CRISPLD1: variants seen among roughly 807,000 people sequenced by gnomAD.
The protein encoded by CRISPLD1 is cysteine rich secretory protein LCCL domain containing 1, also known as cysteine-rich secretory protein LCCL domain-containing 1.
CRISPLD1 carries 60 observed loss-of-function variants against 77.5 expected under a neutral mutation model. That is an observed-to-expected ratio of 0.77 (90% CI 0.63 to 0.96). CRISPLD1 has a LOEUF of 0.96. CRISPLD1 is among the 40% of genes least tolerant of loss of function. CRISPLD1 has a pLI of 0.00. For synonymous variants in CRISPLD1, 195 were observed against 200.1 expected, an observed-to-expected ratio of 0.97 and a Z score of 0.22; for missense variants, 623 against 615.8, an observed-to-expected ratio of 1.01 and a Z score of -0.12.
At position 75,029,438 on chromosome 8, in the gene CRISPLD1, G is replaced by T; in HGVS notation, c.1372G>T (p.Gly458Cys). 1 of 1,613,734 alleles carries T rather than the reference G, an allele frequency of 6.2e-7. No individual in the cohort carries two copies. Among genetic ancestry groups the T allele is most frequent in the South Asian group, 1.1e-5 (1 of 91,056 alleles). The change falls in exon 14 of 15, where the codon GGT (glycine) becomes TGT (cysteine). Residue 458 changes from glycine to cysteine, a missense_variant. Transcript: ENST00000262207. ...AVHAGVVRNH[G>C]GYVDVMPVDK... ...ACATGCTGGAGTGGTTCGAAATCAC[G>T]GTGGTTATGTTGATGTAATGCCTGT...
intron 2 of CRISPLD1, among the ~76,000 whole-genome samples, chr8:75,007,706 A>G (rs1355762765): frequency 7.9e-6 from 1 of 125,826 alleles, no homozygotes; most frequent in African/African-American, 3.2e-5. Context: ...AAGTTCTTAC[A>G]TTGTGGCCCA....
intron 2 of CRISPLD1, among the ~76,000 whole-genome samples, chr8:74,996,281 A>G (rs1035065016): frequency 1.3e-5 from 2 of 152,106 alleles, no homozygotes; most frequent in Non-Finnish European, 2.9e-5. Context: ...GCTGCTTGTA[A>G]GGCTTTTATA....
Position 75,012,937 on chromosome 8 carries a change from A to G in CRISPLD1, c.425A>G (p.Lys142Arg), listed in dbSNP as rs1045639839. 5.0e-6 allele frequency: 8 copies of G among 1,612,798 alleles called. No individual in the cohort carries two copies. The highest frequency in any genetic ancestry group is 1.3e-5 in the African/African-American group (1 of 74,832). Reference sequence around the variant, plus strand: ...GTACAATCGTGGTATGATGAAGTGAAAGACTTTAGCTACCCATATGAACAT... The same window carrying G: ...GTACAATCGTGGTATGATGAAGTGAGAGACTTTAGCTACCCATATGAACAT... ...FHVQSWYDEV[K>R]DFSYPYEHEC... The change falls in exon 4 of 15, where the codon AAA becomes AGA. Residue 142 changes from lysine to arginine, a missense_variant. By Grantham distance (26) the Lys-to-Arg change is conservative. Coordinates refer to ENST00000262207, the MANE Select transcript of CRISPLD1 (RefSeq NM_031461.6).
At chr8:75,030,017 C>T (rs932673835) in intron 14 of CRISPLD1, among the ~76,000 whole-genome samples, 1 of 151,912 alleles carries the variant, frequency 6.6e-6, no homozygotes, top group African/African-American at 2.4e-5. Context: ...ATTATTTAAC[C>T]CACCCACTAG....
chr8:75,014,744 A>T, intron 5 of CRISPLD1, 68 bp from the exon 6 acceptor site: 2 of 943,370 alleles, frequency 2.1e-6, no homozygotes, highest in Non-Finnish European at 3.3e-6. Flanking sequence ...ATATATAGTG[A>T]TGTTTCACAA....
chr8:75,000,065 T>G, intron 2 of CRISPLD1: 1 of 837,320 alleles, frequency 1.2e-6, no homozygotes, highest in Non-Finnish European at 1.4e-6. Context: ...AATGAGCTAT[T>G]AGGCAAGACC....
intron 2 of CRISPLD1, among the ~76,000 whole-genome samples, chr8:74,990,166 A>G (rs1163983242): frequency 6.6e-6 from 1 of 152,194 alleles, no homozygotes. Context: ...TAATACATGT[A>G]ATTATGTAAT....
At chr8:75,014,982 T>TA in intron 6 of CRISPLD1, 70 bp downstream of exon 6, 1 of 1,030,504 alleles carries the variant, frequency 9.7e-7, no homozygotes, top group Non-Finnish European at 1.4e-6. Context: ...TACTTATGTT[T>TA]AAAAAAGCCA....
intron 2 of CRISPLD1, among the ~76,000 whole-genome samples, chr8:75,008,963 G>A: frequency 6.6e-6 from 1 of 152,094 alleles, no homozygotes; most frequent in East Asian, 1.9e-4. Flanking sequence ...ATACACTGTA[G>A]TATATTAAAC....
Position 75,029,479 on chromosome 8 carries a change from C to G in CRISPLD1, c.1413C>G (p.Thr471=). The G allele has an allele frequency of 6.2e-7, 1 of 1,613,648 alleles. No individual in the cohort carries two copies. The highest frequency in any genetic ancestry group is 8.5e-7 in the Non-Finnish European group (1 of 1,179,680). Residue 471 remains threonine (T), a synonymous_variant, in exon 14 of 15, where the codon ACC becomes ACG. Coordinates refer to ENST00000262207, the MANE Select transcript of CRISPLD1 (RefSeq NM_031461.6). ...VDVMPVDKRK[T]YIASFQNGIF... is the part of the protein sequence containing the mutation. ...TAATGCCTGTGGACAAAAGAAAGACCTACATTGCTTCTTTTCAGAATGGAA... is the reference window on the plus strand; with the variant it reads ...TAATGCCTGTGGACAAAAGAAAGACGTACATTGCTTCTTTTCAGAATGGAA...
chr8:75,032,154 C>T, intron 14 of CRISPLD1, 37 bp from the exon 15 acceptor site: 5 of 1,391,440 alleles, frequency 3.6e-6, no homozygotes, highest in Non-Finnish European at 4.0e-6. Context: ...ATAGAGATGA[C>T]ATCAATATAC....
intron 14 of CRISPLD1, among the ~76,000 whole-genome samples, chr8:75,030,914 A>G (rs1813331734): frequency 6.6e-6 from 1 of 152,060 alleles, no homozygotes; most frequent in Non-Finnish European, 1.5e-5. Flanking sequence ...ACATACATAT[A>G]TATACACATA....
intron 10 of CRISPLD1, among the ~76,000 whole-genome samples, chr8:75,018,637 T>G (rs1024360632): frequency 2.0e-5 from 3 of 151,494 alleles, no homozygotes; most frequent in Non-Finnish European, 4.4e-5. Context: ...TAGCTGTTAG[T>G]GATAACTCTT....
At chr8:75,021,279 T>G (rs1345395729) in intron 12 of CRISPLD1, among the ~76,000 whole-genome samples, 2 of 152,226 alleles carry the variant, frequency 1.3e-5, no homozygotes, top group Non-Finnish European at 2.9e-5. Context: ...GATCTTCATA[T>G]AACAGAGTAC....
intron 2 of CRISPLD1, among the ~76,000 whole-genome samples, chr8:74,987,743 T>C (rs1157515546): frequency 6.6e-6 from 1 of 152,204 alleles, no homozygotes; most frequent in Non-Finnish European, 1.5e-5. Flanking sequence ...TAGGCTACTG[T>C]ATGCTTATTC....
chr8:75,029,682 T>C (rs948082775), intron 14 of CRISPLD1, among the ~76,000 whole-genome samples, 165 bp downstream of exon 14: 1 of 152,156 alleles, frequency 6.6e-6, no homozygotes, highest in African/African-American at 2.4e-5. Context: ...CTTCCAGGGA[T>C]GGGAGAAGCT....
chr8:75,015,548 A>G (rs1361589395), intron 6 of CRISPLD1, among the ~76,000 whole-genome samples: 8 of 152,246 alleles, frequency 5.3e-5, no homozygotes, highest in Admixed American at 5.2e-4. Flanking sequence ...GCACTTGTGC[A>G]TTCAAGTGAA....
Position 75,014,914 on chromosome 8 carries a change from T to A in CRISPLD1, c.727+2T>A. ...GTAGAGAAAATCTGTGCTACAAAGG[T>A]AAGTGCTATTGTGTTGTGGTATTCA... On this transcript the variant is annotated splice_donor_variant, in intron 6 of 14. Coordinates refer to ENST00000262207, the MANE Select transcript of CRISPLD1 (RefSeq NM_031461.6). LOFTEE classifies it high-confidence loss of function. 6.4e-7 allele frequency: 1 copy of A among 1,557,122 alleles called. No individual in the cohort carries two copies. The highest frequency in any genetic ancestry group is 8.7e-7 in the Non-Finnish European group (1 of 1,154,920).
At position 75,014,035 on chromosome 8, in the gene CRISPLD1, C is replaced by A; in HGVS notation, c.559C>A (p.His187Asn). 1 of 1,613,204 alleles carries A rather than the reference C, an allele frequency of 6.2e-7. No individual in the cohort carries two copies. Among genetic ancestry groups the A allele is most frequent in the South Asian group, 1.1e-5 (1 of 91,056 alleles). ...AATCGGTTGTGCCATTAATTTGTGT[C>A]ATAACATGAACATCTGGGGGCAGAT... ...NRIGCAINLC[H>N]NMNIWGQIWP... Residue 187 changes from histidine (H) to asparagine (N), a missense_variant, in exon 5 of 15, where the codon CAT becomes AAT. Coordinates refer to ENST00000262207, the MANE Select transcript of CRISPLD1 (RefSeq NM_031461.6).
Sources: allele counts gnomAD v4.1 joint callset (sites outside exome capture counted in the v4.1 genomes callset), GRCh38; gene constraint gnomAD v4.1.1; transcripts MANE v1.5; gene names NCBI Gene and HGNC (gene_info 2026-07-23, HGNC 2026-07-21).